MTBP: variants seen among roughly 807,000 people sequenced by gnomAD.
MTBP encodes the protein MDM2 binding protein, also known as mdm2-binding protein.
A neutral mutation model predicts 117.0 loss-of-function variants in MTBP; 101 were observed. The observed-to-expected ratio is 0.86, with a 90% CI of 0.73 to 1.02. The LOEUF is 1.02. Among genes scored for constraint, MTBP ranks in the 50% least tolerant of loss-of-function variants. The pLI is 0.00. For missense variants in MTBP, 970 were observed against 1,030.9 expected, an observed-to-expected ratio of 0.94 and a Z score of 0.81; for synonymous variants, 350 against 351.5, an observed-to-expected ratio of 1.00 and a Z score of 0.05.
At chr8:120,453,398 G>A (rs1390419185) in intron 4 of MTBP, among the ~76,000 whole-genome samples, 1 of 151,978 alleles carries the variant, frequency 6.6e-6, no homozygotes, top group East Asian at 1.9e-4. Context: ...AGTGAGCTGT[G>A]ATCATGCCAC....
intron 14 of MTBP, among the ~76,000 whole-genome samples, chr8:120,500,496 C>G (rs970121035): frequency 9.2e-5 from 14 of 152,202 alleles, no homozygotes; most frequent in African/African-American, 2.9e-4. Context: ...TGCAGAAATG[C>G]AAGTGATTTT....
At chr8:120,459,931 TATA>T (rs1211822194) in intron 8 of MTBP, among the ~76,000 whole-genome samples, 1 of 152,076 alleles carries the variant, frequency 6.6e-6, no homozygotes, top group Non-Finnish European at 1.5e-5. Flanking sequence ...AATTATAAAA[TATA>T]ATAACTAGGA....
At chr8:120,480,216 TG>T (rs1339742576) in intron 11 of MTBP, among the ~76,000 whole-genome samples, 1 of 140,658 alleles carries the variant, frequency 7.1e-6, no homozygotes, top group Admixed American at 7.6e-5. Flanking sequence ...CTGGCCAACA[TG>T]GCGAAACCCC....
intron 20 of MTBP, among the ~76,000 whole-genome samples, chr8:120,521,522 A>G (rs1169444099): frequency 6.6e-6 from 1 of 152,178 alleles, no homozygotes; most frequent in Admixed American, 6.6e-5. Context: ...TCAGTGTCTA[A>G]AAGTGTTTAA....
chr8:120,510,002 C>G lies in MTBP; in HGVS notation c.1952C>G (p.Ala651Gly). ...GKLQVLPFEK[A>G]SVCHYHGIEY... is the part of the protein sequence containing the mutation. ...CTTCAGGTCTTACCTTTTGAGAAAG[C>G]CTCAGTATGTCATTATCATGGAATT... Residue 651 changes from alanine to glycine, a missense_variant, in exon 17 of 22, where the codon GCC (alanine) becomes GGC (glycine). Ala to Gly is a moderately conservative substitution (Grantham distance 60). Transcript: ENST00000305949. 1 of 1,611,408 alleles carries G rather than the reference C, an allele frequency of 6.2e-7. No individual in the cohort carries two copies. The highest frequency in any genetic ancestry group is 8.5e-7 in the Non-Finnish European group (1 of 1,178,446).
At chr8:120,456,112 T>C (rs1447250748) in intron 6 of MTBP, among the ~76,000 whole-genome samples, 2 of 152,140 alleles carry the variant, frequency 1.3e-5, no homozygotes, top group Non-Finnish European at 2.9e-5. Context: ...GAAGACATGA[T>C]CTTTTTCATT....
At chr8:120,465,356 C>T (rs1214930672) in intron 10 of MTBP, among the ~76,000 whole-genome samples, 2 of 152,264 alleles carry the variant, frequency 1.3e-5, no homozygotes, top group Admixed American at 1.3e-4. Context: ...CACTCACTGG[C>T]TTACAGCTCT....
intron 14 of MTBP, among the ~76,000 whole-genome samples, chr8:120,498,346 G>A (rs1473197586): frequency 6.6e-6 from 1 of 152,134 alleles, no homozygotes; most frequent in African/African-American, 2.4e-5. Context: ...CATCACCATC[G>A]CATATCAGTA....
chr8:120,501,642 ATAGT>A (rs1460083197), intron 14 of MTBP, among the ~76,000 whole-genome samples: 2 of 152,096 alleles, frequency 1.3e-5, no homozygotes, highest in Admixed American at 1.3e-4. Flanking sequence ...GTTAATGTTG[ATAGT>A]TAATCAAATA....
intron 20 of MTBP, among the ~76,000 whole-genome samples, chr8:120,520,729 T>G (rs762138753): frequency 1.3e-5 from 2 of 152,088 alleles, no homozygotes; most frequent in African/African-American, 4.8e-5. Context: ...TAACACTGTA[T>G]GCTAGAAGAT....
intron 14 of MTBP, among the ~76,000 whole-genome samples, chr8:120,501,209 A>G (rs1814579327): frequency 6.8e-6 from 1 of 146,452 alleles, no homozygotes; most frequent in South Asian, 2.2e-4. Flanking sequence ...AAAAAAAAAA[A>G]AAATTAGCCG....
At position 120,451,047 on chromosome 8, in the gene MTBP, G is replaced by A; in HGVS notation, c.244G>A (p.Ala82Thr). 2 of 1,612,554 alleles carry A rather than the reference G, an allele frequency of 1.2e-6. No individual in the cohort carries two copies. The highest frequency in any genetic ancestry group is 2.2e-5 in the South Asian group (2 of 90,722). The part of the protein sequence containing the change: ...GIPGSKKWFF[A>T]VQAIYGFYQF... ...ACCTGGTTCCAAGAAGTGGTTCTTTGCAGTGCAGGCAATATATGGATTTTA... is the reference window on the plus strand; with the variant it reads ...ACCTGGTTCCAAGAAGTGGTTCTTTACAGTGCAGGCAATATATGGATTTTA... Residue 82 changes from alanine to threonine, a missense_variant, in exon 3 of 22, where the codon GCA (alanine) becomes ACA (threonine). Coordinates refer to ENST00000305949, the MANE Select transcript of MTBP (RefSeq NM_022045.5).
chr8:120,469,365 G>T (rs1471340520), intron 10 of MTBP, among the ~76,000 whole-genome samples: 2 of 152,108 alleles, frequency 1.3e-5, no homozygotes, highest in Non-Finnish European at 2.9e-5. Context: ...TTTCTAATTT[G>T]CTTCAAATGC....
intron 5 of MTBP, among the ~76,000 whole-genome samples, 190 bp from the exon 6 acceptor site, chr8:120,455,240 AAGTTT>A (rs1439402660): frequency 3.3e-5 from 5 of 152,020 alleles, no homozygotes; most frequent in Non-Finnish European, 5.9e-5. Flanking sequence ...AACATTTAAA[AAGTTT>A]GAATTCCTAA....
chr8:120,479,024 G>C (rs1198569645), intron 11 of MTBP, among the ~76,000 whole-genome samples: 2 of 152,202 alleles, frequency 1.3e-5, no homozygotes, highest in African/African-American at 4.8e-5. Context: ...GATGCAACTG[G>C]AGGCCATTAT....
At chr8:120,485,317 A>G (rs1007892149) in intron 11 of MTBP, among the ~76,000 whole-genome samples, 2 of 151,988 alleles carry the variant, frequency 1.3e-5, no homozygotes, top group African/African-American at 4.8e-5. Context: ...TTGTGATTTC[A>G]TATTTGACCC....
At chr8:120,492,564 T>TA (rs1814368068) in intron 13 of MTBP, among the ~76,000 whole-genome samples, 2 of 152,100 alleles carry the variant, frequency 1.3e-5, no homozygotes, top group African/African-American at 4.8e-5. Context: ...AAAAACAAAA[T>TA]TTGTTCAAAA....
chr8:120,468,937 G>A lies in MTBP; in HGVS notation c.1048-1883G>A, dbSNP rs774814994. Among the ~76,000 whole-genome samples the A allele has an allele frequency of 3.4e-4, 52 of 152,214 alleles. 1 individual carries two copies. Among genetic ancestry groups the A allele is most frequent in the Non-Finnish European group, 1.5e-4 (10 of 68,014 alleles). ...ACACAATCTGATCGAGAAATTGTTCGTTGTTGTGTAGAATAAGGGAAGATG... is the reference window on the plus strand; with the variant it reads ...ACACAATCTGATCGAGAAATTGTTCATTGTTGTGTAGAATAAGGGAAGATG... On this transcript the variant is annotated intron_variant, in intron 10 of 21. Coordinates refer to ENST00000305949, the MANE Select transcript of MTBP (RefSeq NM_022045.5).
In MTBP at chr8:120,516,366, AAC is replaced by A. The variant is rs79847111; in HGVS notation, c.2246+179_2246+180del. The stretch of plus-strand genomic sequence containing the variant: ...ATAAAAATAAATGATTTGGGAAAAA[AAC>A]ACAGTTTCTTGCTTTATATGCTAAT... On this transcript the variant is annotated intron_variant, in intron 18 of 21. Coordinates refer to ENST00000305949, the MANE Select transcript of MTBP (RefSeq NM_022045.5). Among the ~76,000 whole-genome samples the A allele has an allele frequency of 1.9e-3, 290 of 152,148 alleles. 6 individuals carry two copies. In the East Asian group the frequency reaches 0.049, roughly 26 times the overall value.
Sources: allele counts gnomAD v4.1 joint callset (sites outside exome capture counted in the v4.1 genomes callset), GRCh38; gene constraint gnomAD v4.1.1; transcripts MANE v1.5; gene names NCBI Gene and HGNC (gene_info 2026-07-23, HGNC 2026-07-21).